The following DLGAP1 variants were observed in gnomAD, a reference collection of about 807,000 sequenced individuals.
The protein encoded by DLGAP1 is disks large-associated protein 1.
A neutral mutation model predicts 90.8 loss-of-function variants in DLGAP1; 11 were observed. The observed-to-expected ratio is 0.12, with a 90% CI of 0.08 to 0.20. The LOEUF is 0.20. Ranked by LOEUF, DLGAP1 falls within the 10% of genes least tolerant of loss-of-function variation. The pLI, the probability that DLGAP1 is intolerant of heterozygous loss-of-function variation, is 1.00. For missense variants in DLGAP1, 1,050 were observed against 1,333.8 expected (o/e 0.79, Z 3.31); for synonymous variants, 558 against 540.7 (o/e 1.03, Z -0.44).
intron 5 of DLGAP1, among the ~76,000 whole-genome samples, chr18:3,752,966 T>C (rs533400010): frequency 6.6e-6 from 1 of 152,272 alleles, no homozygotes; most frequent in East Asian, 1.9e-4. Flanking sequence ...TTTTTGGCTA[T>C]TATGAATAAT....
intron 1 of DLGAP1, among the ~76,000 whole-genome samples, chr18:4,170,646 G>A (rs550151061): frequency 4.9e-4 from 75 of 152,212 alleles, no homozygotes; most frequent in African/African-American, 1.6e-3. Context: ...GAGTTACCAC[G>A]GTGTGGGAGA....
intron 1 of DLGAP1, among the ~76,000 whole-genome samples, chr18:4,428,431 A>T (rs1295042963): frequency 2.0e-5 from 3 of 151,908 alleles, no homozygotes; most frequent in Non-Finnish European, 1.5e-5. Flanking sequence ...AAAATACAAA[A>T]ATTAGCTGGG....
intron 1 of DLGAP1, among the ~76,000 whole-genome samples, chr18:4,429,395 T>C (rs1297783555): frequency 6.6e-6 from 1 of 152,198 alleles, no homozygotes; most frequent in Non-Finnish European, 1.5e-5. Context: ...ATGCATTATG[T>C]TTTTCTCATT....
chr18:3,814,137 G>T lies in DLGAP1; in HGVS notation c.1094C>A (p.Pro365His). ...DSGDSDTSPK[P>H]SPKVAARRES... ...TCTCCGCGCAGCAACTTTTGGAGAAGGCTTAGGACTCGTGTCTGAGTCTCC... is the reference window on the plus strand; with the variant it reads ...TCTCCGCGCAGCAACTTTTGGAGAATGCTTAGGACTCGTGTCTGAGTCTCC... The change falls in exon 5 of 13, where the codon CCT (proline) becomes CAT (histidine). Residue 365 changes from proline to histidine, a missense_variant. Physicochemically the swap from Pro to His is moderately conservative, Grantham distance 77. Coordinates refer to ENST00000315677, the MANE Select transcript of DLGAP1 (RefSeq NM_004746.4). 1 of 1,614,066 alleles carries T rather than the reference G, an allele frequency of 6.2e-7. No individual in the cohort carries two copies. The highest frequency in any genetic ancestry group is 8.5e-7 in the Non-Finnish European group (1 of 1,180,022).
intron 7 of DLGAP1, among the ~76,000 whole-genome samples, chr18:3,616,294 G>A (rs2057860603): frequency 6.6e-6 from 1 of 152,102 alleles, no homozygotes; most frequent in Admixed American, 6.6e-5. Flanking sequence ...TAGGATGTGT[G>A]GATCATTCGC....
chr18:4,125,213 G>A (rs1319559036), intron 2 of DLGAP1, among the ~76,000 whole-genome samples: 3 of 152,204 alleles, frequency 2.0e-5, no homozygotes, highest in Non-Finnish European at 4.4e-5. Context: ...TGATGGATAT[G>A]TAAATGGACA....
At chr18:4,228,789 C>T (rs951234723) in intron 1 of DLGAP1, among the ~76,000 whole-genome samples, 27 of 151,846 alleles carry the variant, frequency 1.8e-4, no homozygotes, top group Admixed American at 1.5e-3. Flanking sequence ...AAGCAACAAG[C>T]ATGTACACTT....
At chr18:4,186,424 C>T (rs1196560419) in intron 1 of DLGAP1, among the ~76,000 whole-genome samples, 1 of 152,116 alleles carries the variant, frequency 6.6e-6, no homozygotes, top group Admixed American at 6.6e-5. Flanking sequence ...ACATTTAAGT[C>T]TTTAACCTGT....
At chr18:4,087,848 G>GT (rs2075709406) in intron 2 of DLGAP1, among the ~76,000 whole-genome samples, 1 of 141,160 alleles carries the variant, frequency 7.1e-6, no homozygotes, top group Non-Finnish European at 1.6e-5. Flanking sequence ...GAACTGTGTA[G>GT]TTGGGCTTTG....
intron 1 of DLGAP1, among the ~76,000 whole-genome samples, chr18:4,444,401 T>C (rs1567928817): frequency 6.6e-6 from 1 of 152,152 alleles, no homozygotes; most frequent in Non-Finnish European, 1.5e-5. Flanking sequence ...TCCTTTGTAA[T>C]CTCCTCACAG....
chr18:3,804,551 T>C (rs991956090), intron 5 of DLGAP1, among the ~76,000 whole-genome samples: 1 of 152,092 alleles, frequency 6.6e-6, no homozygotes, highest in Admixed American at 6.6e-5. Context: ...CAATGCAAAG[T>C]AGGGTTGAGA....
intron 5 of DLGAP1, among the ~76,000 whole-genome samples, chr18:3,747,429 C>T (rs948261107): frequency 5.3e-5 from 8 of 152,146 alleles, no homozygotes. Flanking sequence ...AGAATCGTAG[C>T]TGGAAGCATT....
intron 5 of DLGAP1, among the ~76,000 whole-genome samples, chr18:3,812,412 T>C (rs553604476): frequency 6.6e-6 from 1 of 151,854 alleles, no homozygotes; most frequent in African/African-American, 2.4e-5. Flanking sequence ...ATGTTTTGGG[T>C]CCAATTCTGT....
intron 4 of DLGAP1, among the ~76,000 whole-genome samples, chr18:3,873,523 C>T (rs1478536456): frequency 1.3e-5 from 2 of 152,134 alleles, no homozygotes; most frequent in African/African-American, 2.4e-5. Flanking sequence ...AACTGTTCAG[C>T]ACTTTCATAA....
In DLGAP1 at chr18:4,383,299, A is replaced by G. The variant is rs2082167251; in HGVS notation, c.-267+71707T>C. On this transcript the variant is annotated intron_variant, in intron 1 of 12. Coordinates refer to ENST00000315677, the MANE Select transcript of DLGAP1 (RefSeq NM_004746.4). This position sits in a 1 kb window ranked among gnomAD's most constrained non-coding sequence, Gnocchi z 4.0. ...TTTAAAATTCAACTACTGTGCAAGC[A>G]TATTTATTAATGAGTAAAATAATAT... 6.6e-6 allele frequency among the ~76,000 whole-genome samples: 1 copy of G among 152,230 alleles called. No homozygotes were observed. The highest frequency in any genetic ancestry group is 2.4e-5 in the African/African-American group (1 of 41,468).
At chr18:3,978,042 C>A (rs981007113) in intron 3 of DLGAP1, 31 of 380,302 alleles carry the variant, frequency 8.2e-5, no homozygotes, top group African/African-American at 6.4e-4. Context: ...CCGTGGCTGT[C>A]ATGCCAGTTT....
At chr18:3,694,091 T>C (rs342490) in intron 7 of DLGAP1, among the ~76,000 whole-genome samples, 28,244 of 141,758 alleles carry the variant, frequency 0.2, 3,088 homozygotes, top group African/African-American at 0.31. Context: ...CCTGTGTCCA[T>C]GTGTTCTCAT....
chr18:4,090,524 C>T (rs1216635882), intron 2 of DLGAP1, among the ~76,000 whole-genome samples: 1 of 152,114 alleles, frequency 6.6e-6, no homozygotes, highest in Non-Finnish European at 1.5e-5. Flanking sequence ...TAGAGAAATG[C>T]AAATTAAAAC....
At chr18:3,922,360 T>C (rs945214634) in intron 3 of DLGAP1, among the ~76,000 whole-genome samples, 1 of 152,204 alleles carries the variant, frequency 6.6e-6, no homozygotes, top group African/African-American at 2.4e-5. Flanking sequence ...GGATATGAAG[T>C]CTTTACCCCT....
Sources: allele counts gnomAD v4.1 joint callset (sites outside exome capture counted in the v4.1 genomes callset), GRCh38; gene constraint gnomAD v4.1.1; non-coding constraint Gnocchi (gnomAD v3.1); transcripts MANE v1.5; gene names NCBI Gene and HGNC (gene_info 2026-07-23, HGNC 2026-07-21).